The following WDR33 variants were observed in gnomAD, a reference collection of about 807,000 sequenced individuals.
WDR33 encodes the protein WD repeat domain 33, also known as pre-mRNA 3' end processing protein WDR33.
In WDR33, 47 loss-of-function variants were observed where a neutral mutation model predicts 164.9. That is an observed-to-expected ratio of 0.29 (90% CI 0.23 to 0.36). WDR33 has a LOEUF of 0.36. Among genes scored for constraint, WDR33 ranks in the 10% least tolerant of loss-of-function variants. The pLI is 1.00. For missense variants in WDR33, 1,137 were observed against 1,754.1 expected (o/e 0.65, Z 6.28); for synonymous variants, 505 against 589.0 (o/e 0.86, Z 2.06).
At position 127,721,040 on chromosome 2, in the gene WDR33, A is replaced by G. The variant is rs1409430539; in HGVS notation, c.1672-687T>C. On this transcript the variant is annotated intron_variant, in intron 15 of 21. Transcript: ENST00000322313. The surrounding 1 kb of genome is among the most constrained non-coding windows in gnomAD (Gnocchi z 4.9). ...TTCAAATTAAAACTATGTTGGCTTT[A>G]TCTTTTCTATTAAAAATGTATATTT... 2.0e-5 allele frequency among the ~76,000 whole-genome samples: 3 copies of G among 152,240 alleles called. No homozygotes were observed. The highest frequency in any genetic ancestry group is 7.2e-5 in the African/African-American group (3 of 41,474).
chr2:127,764,757 C>A lies in WDR33; in HGVS notation c.626+71G>T. 6 of 1,614,030 alleles carry A rather than the reference C, an allele frequency of 3.7e-6. No homozygotes were observed. The highest frequency in any genetic ancestry group is 5.1e-6 in the Non-Finnish European group (6 of 1,179,992). On this transcript the variant is annotated intron_variant, in intron 6 of 21. Transcript: ENST00000322313. The surrounding 1 kb of genome is among the most constrained non-coding windows in gnomAD (Gnocchi z 6.2). ...TGACAGAGCCCATGCATCTCTGCAC[C>A]CAGAATACACTTAGAGAATAATTTA...
At chr2:127,715,831 G>T (rs1279331060) in intron 17 of WDR33, among the ~76,000 whole-genome samples, 1 of 152,222 alleles carries the variant, frequency 6.6e-6, no homozygotes, top group Non-Finnish European at 1.5e-5. Context: ...GGCCACCAGT[G>T]ATGGGGCGGC....
intron 1 of WDR33, among the ~76,000 whole-genome samples, chr2:127,786,660 G>C (rs1688584675): frequency 6.6e-6 from 1 of 151,996 alleles, no homozygotes; most frequent in African/African-American, 2.4e-5. Context: ...CTCCAGCCTG[G>C]GCAAAACAGC....
chr2:127,751,663 T>A (rs189557503), intron 7 of WDR33, among the ~76,000 whole-genome samples: 80 of 152,210 alleles, frequency 5.3e-4, no homozygotes, highest in Admixed American at 9.8e-4. Flanking sequence ...TGCAAAAAAA[T>A]TTTTTTAATA....
At chr2:127,750,691 T>TACATAC (rs1687315777) in intron 7 of WDR33, among the ~76,000 whole-genome samples, 1 of 53,876 alleles carries the variant, frequency 1.9e-5, no homozygotes, top group African/African-American at 1.0e-4. Context: ...TATATATATA[T>TACATAC]ATATATATAT....
chr2:127,801,920 C>T (rs1383360863), intron 1 of WDR33, among the ~76,000 whole-genome samples: 1 of 151,914 alleles, frequency 6.6e-6, no homozygotes. Flanking sequence ...GTGGCTCCTG[C>T]TTGTAATCCC....
chr2:127,756,101 A>G (rs1687508774), intron 7 of WDR33, among the ~76,000 whole-genome samples: 1 of 152,144 alleles, frequency 6.6e-6, no homozygotes, highest in Non-Finnish European at 1.5e-5. Context: ...TGGGAGGCTG[A>G]GACGAGCGGA....
rs775623051 is a variant in WDR33 at position 127,708,743 on chromosome 2, G to A, written c.3715C>T (p.Pro1239Ser). ...PPRKRPWHDG[P>S]GTSEHREMEA... ...ATCTCTCTGTGCTCAGAAGTGCCTG[G>A]GCCATCATGCCAGGGGCGCTTTCGG... is the stretch of plus-strand genomic sequence containing the variant. Residue 1239 changes from proline (P) to serine (S), a missense_variant, in exon 21 of 22, where the codon CCA becomes TCA. Pro to Ser is a moderately conservative substitution (Grantham distance 74). Transcript: ENST00000322313. The surrounding 1 kb of genome is among the most constrained non-coding windows in gnomAD (Gnocchi z 6.7). 3.5e-5 allele frequency: 56 copies of A among 1,613,722 alleles called. No individual in the cohort carries two copies. Among genetic ancestry groups the A allele is most frequent in the Non-Finnish European group, 4.2e-5 (49 of 1,179,866 alleles).
chr2:127,710,929 T>C lies in WDR33; in HGVS notation c.3309-1073A>G, dbSNP rs1199833836. 1.3e-5 allele frequency among the ~76,000 whole-genome samples: 2 copies of C among 152,226 alleles called. No individual in the cohort carries two copies. Among genetic ancestry groups the C allele is most frequent in the East Asian group, 3.8e-4 (2 of 5,198 alleles). On this transcript the variant is annotated intron_variant, in intron 18 of 21. Coordinates refer to ENST00000322313, the MANE Select transcript of WDR33 (RefSeq NM_018383.5). The surrounding 1 kb of genome is among the most constrained non-coding windows in gnomAD (Gnocchi z 4.4). ...CTTCTTAATATTTTGCCACACGTGCTTTATCTTCTCCGTCCAGCTACTCAC... is the reference window on the plus strand; with the variant it reads ...CTTCTTAATATTTTGCCACACGTGCCTTATCTTCTCCGTCCAGCTACTCAC...
rs139698649 is a variant in WDR33 at position 127,724,070 on chromosome 2, CAAATAAATAAAT to C, written c.1196+251_1196+262del. Among the ~76,000 whole-genome samples the C allele has an allele frequency of 2.7e-5, 4 of 150,786 alleles. No individual in the cohort carries two copies. The highest frequency in any genetic ancestry group is 6.6e-5 in the Admixed American group (1 of 15,156). ...GCCAGCCTGGACAGAGACCCTGTCT[CAAATAAATAAAT>C]AAATAAATAAATAAAAGTGGAAAAC... is the stretch of plus-strand genomic sequence containing the variant. On this transcript the variant is annotated intron_variant, in intron 11 of 21. Coordinates refer to ENST00000322313, the MANE Select transcript of WDR33 (RefSeq NM_018383.5). This position sits in a 1 kb window ranked among gnomAD's most constrained non-coding sequence, Gnocchi z 4.8.
At chr2:127,808,285 G>A (rs1455033644) in intron 1 of WDR33, among the ~76,000 whole-genome samples, 1 of 152,178 alleles carries the variant, frequency 6.6e-6, no homozygotes, top group East Asian at 1.9e-4. Context: ...GAAGCTTAGA[G>A]AGTTTAATTA....
At chr2:127,791,502 G>A (rs1273936431) in intron 1 of WDR33, among the ~76,000 whole-genome samples, 5 of 152,178 alleles carry the variant, frequency 3.3e-5, no homozygotes, top group African/African-American at 4.8e-5. Context: ...CTGGCTTGAC[G>A]GAAAGAGAAA....
rs770070256 is a variant in WDR33 at position 127,708,688 on chromosome 2, C to T, written c.3770G>A (p.Arg1257Gln). The T allele has an allele frequency of 1.2e-5, 20 of 1,604,410 alleles. No homozygotes were observed. The highest frequency in any genetic ancestry group is 1.0e-4 in the Admixed American group (6 of 58,992). Residue 1257 changes from arginine (R) to glutamine (Q), a missense_variant, in exon 21 of 22, where the codon CGA becomes CAA. Coordinates refer to ENST00000322313, the MANE Select transcript of WDR33 (RefSeq NM_018383.5). This position sits in a 1 kb window ranked among gnomAD's most constrained non-coding sequence, Gnocchi z 6.7. The stretch of plus-strand genomic sequence containing the variant: ...TGGCCTGCTCTTACCTTTGCCTCCT[C>T]GGTCTTCAGAAGGGCCTCCTGGGGC... ...MEAPGGPSED[R>Q]GGKGRGGPGP...
intron 4 of WDR33, among the ~76,000 whole-genome samples, chr2:127,765,773 C>T (rs1341148881): frequency 4.0e-5 from 6 of 151,266 alleles, no homozygotes; most frequent in African/African-American, 1.2e-4. Flanking sequence ...CTTTCAAACT[C>T]TTCCTGCAGC....
chr2:127,785,897 A>AT (rs1210215675), intron 1 of WDR33, among the ~76,000 whole-genome samples: 1 of 152,230 alleles, frequency 6.6e-6, no homozygotes, highest in Non-Finnish European at 1.5e-5. Flanking sequence ...CTGCCTAACT[A>AT]TATTCTAAAG....
intron 7 of WDR33, among the ~76,000 whole-genome samples, chr2:127,739,818 G>A (rs757083361): frequency 4.6e-5 from 7 of 152,146 alleles, no homozygotes; most frequent in Non-Finnish European, 7.3e-5. Flanking sequence ...ACAGAGTATG[G>A]GAAAGCAGAA....
rs1686445391 is a variant in WDR33 at position 127,721,759 on chromosome 2, T to C, written c.1671+77A>G. ...CATGGGAGAGCCCCTTCCCTTTTCC[T>C]TAAGAGCCTATCAATAAAAATGTCA... On this transcript the variant is annotated intron_variant, in intron 15 of 21. Transcript: ENST00000322313. This position sits in a 1 kb window ranked among gnomAD's most constrained non-coding sequence, Gnocchi z 4.9. 6.8e-7 allele frequency: 1 copy of C among 1,467,840 alleles called. No individual in the cohort carries two copies. Among genetic ancestry groups the C allele is most frequent in the Non-Finnish European group, 9.1e-7 (1 of 1,099,194 alleles). The allele number at this position is 1,467,840 out of a possible 1,614,324, so 90.9% of individuals were successfully genotyped here. A position where few individuals can be genotyped will look rare whatever the true frequency, so the allele number is the denominator to read the frequency against.
chr2:127,787,842 T>A (rs1305059664), intron 1 of WDR33, among the ~76,000 whole-genome samples: 1 of 59,002 alleles, frequency 1.7e-5, no homozygotes, highest in African/African-American at 9.0e-5. Flanking sequence ...GCGGGGGGGC[T>A]GACCCCCCCC....
chr2:127,751,537 C>T lies in WDR33; in HGVS notation c.724+11525G>A, dbSNP rs1162562545. 2.7e-5 allele frequency among the ~76,000 whole-genome samples: 4 copies of T among 149,566 alleles called. No homozygotes were observed. The East Asian group carries it at 5.8e-4, about 22-fold the overall frequency. ...GTGTACTCCAACCTGGGCAACAGAG[C>T]GAAATCCTGTCTCTGAAAAATAATA... On this transcript the variant is annotated intron_variant, in intron 7 of 21. Transcript: ENST00000322313.
Sources: gnomAD v4.1 joint callset for allele counts (sites outside exome capture counted in the v4.1 genomes callset) on GRCh38, gnomAD v4.1.1 for gene constraint, Gnocchi (gnomAD v3.1) non-coding constraint, MANE v1.5 for transcripts, NCBI Gene and HGNC (gene_info 2026-07-23, HGNC 2026-07-21) for gene names.